The following GABRB1 variants were observed in gnomAD, a reference collection of about 807,000 sequenced individuals.
GABRB1 encodes the protein gamma-aminobutyric acid type A receptor subunit beta1, also known as gamma-aminobutyric acid receptor subunit beta-1.
A neutral mutation model predicts 51.6 loss-of-function variants in GABRB1; 17 were observed. The ratio of observed to expected loss-of-function variants is 0.33; its 90% CI spans 0.23 to 0.49. GABRB1 has a LOEUF of 0.49. Ranked by LOEUF, GABRB1 falls within the 20% of genes least tolerant of loss-of-function variation. GABRB1 has a pLI of 0.99. For missense variants in GABRB1, 410 were observed against 600.6 expected (o/e 0.68, Z 3.32); for synonymous variants, 247 against 218.9 (o/e 1.13, Z -1.14).
chr4:47,307,762 T>C (rs1724522681), intron 4 of GABRB1, among the ~76,000 whole-genome samples: 1 of 151,986 alleles, frequency 6.6e-6, no homozygotes, highest in African/African-American at 2.4e-5. Context: ...AGTTGATATA[T>C]TGATATATCA....
chr4:47,352,480 C>G (rs1726388714), intron 5 of GABRB1, among the ~76,000 whole-genome samples: 1 of 152,132 alleles, frequency 6.6e-6, no homozygotes, highest in Non-Finnish European at 1.5e-5. Flanking sequence ...GAATTTTAGA[C>G]CAATATCCTT....
intron 4 of GABRB1, among the ~76,000 whole-genome samples, chr4:47,187,606 C>T (rs1375197525): frequency 6.6e-6 from 1 of 151,816 alleles, no homozygotes; most frequent in Admixed American, 6.6e-5. Flanking sequence ...CGACTCCCTC[C>T]GAGTTTTGAA....
In GABRB1 at chr4:47,264,968, T is replaced by C. The variant is rs1722592909; in HGVS notation, c.462-55159T>C. On this transcript the variant is annotated intron_variant, in intron 4 of 8. Transcript: ENST00000295454. ...ACAATAACGTAAAGAATGATGCTGA[T>C]AAATTTTGCTAATTCTAAAATGCCT... is the stretch of plus-strand genomic sequence containing the variant. Among the ~76,000 whole-genome samples, 2 of 152,248 alleles carry C rather than the reference T, an allele frequency of 1.3e-5. 1 individual carries two copies. The highest frequency in any genetic ancestry group is 4.1e-4 in the South Asian group (2 of 4,834).
chr4:47,114,388 G>T (rs975522709), intron 3 of GABRB1, among the ~76,000 whole-genome samples: 1 of 151,988 alleles, frequency 6.6e-6, no homozygotes, highest in African/African-American at 2.4e-5. Context: ...CTCTGGTCTT[G>T]GTGTCCCTAC....
chr4:47,145,607 C>G (rs1035103262), intron 3 of GABRB1, among the ~76,000 whole-genome samples: 1 of 151,972 alleles, frequency 6.6e-6, no homozygotes, highest in Non-Finnish European at 1.5e-5. Context: ...GAAAGGAACA[C>G]GACATAGCAT....
At chr4:47,380,710 T>C (rs780060026) in intron 5 of GABRB1, among the ~76,000 whole-genome samples, 2 of 152,218 alleles carry the variant, frequency 1.3e-5, no homozygotes, top group Non-Finnish European at 2.9e-5. Context: ...GTACATCTCC[T>C]TGATAGAATT....
In GABRB1 at chr4:47,272,519, A is replaced by G. The variant is rs567666126; in HGVS notation, c.462-47608A>G. Among the ~76,000 whole-genome samples, 4 of 152,248 alleles carry G rather than the reference A, an allele frequency of 2.6e-5. No homozygotes were observed. The South Asian group carries it at 6.2e-4, about 24-fold the overall frequency. On this transcript the variant is annotated intron_variant, in intron 4 of 8. Transcript: ENST00000295454. ...ATTATTTGTTATACTTTATGGTTCT[A>G]TATTAACTAAATAAATTTTAAAAAT...
rs535410736 is a variant in GABRB1, at chr4:46,996,437, C to T, written c.-20+2511C>T. Among the ~76,000 whole-genome samples, 675 of 152,188 alleles carry T rather than the reference C, an allele frequency of 4.4e-3. 5 individuals are homozygous for T. Among genetic ancestry groups the T allele is most frequent in the African/African-American group, 0.015 (629 of 41,526 alleles). On this transcript the variant is annotated intron_variant, in intron 1 of 3. Transcript: ENST00000513567. ...ATAATACAGATAACCCAACTGCTAA[C>T]GTCTTAGGATGGACACTTTAAAGCC...
In GABRB1 at chr4:47,137,765, A is replaced by C. The variant is rs564660661; in HGVS notation, c.241-23484A>C. Among the ~76,000 whole-genome samples the C allele has an allele frequency of 9.2e-5, 14 of 152,258 alleles. No individual in the cohort carries two copies. In the East Asian group the frequency reaches 2.7e-3, roughly 29 times the overall value. On this transcript the variant is annotated intron_variant, in intron 3 of 8. Transcript: ENST00000295454. ...GGTTATGTGAACTATTTTCTTGTAA[A>C]TTCTACTAAAATTTGGACCACATAG...
chr4:47,423,321 C>G (rs536652719), intron 8 of GABRB1, among the ~76,000 whole-genome samples: 2 of 152,300 alleles, frequency 1.3e-5, no homozygotes, highest in African/African-American at 4.8e-5. Flanking sequence ...GTGTAGTTGT[C>G]AACTGGAGCT....
At chr4:46,999,242 G>A (rs1724105650) in intron 1 of GABRB1, among the ~76,000 whole-genome samples, 1 of 152,104 alleles carries the variant, frequency 6.6e-6, no homozygotes, top group East Asian at 1.9e-4. Flanking sequence ...TAAATTTGTT[G>A]CCAAGTGCCT....
At chr4:47,052,297 C>T (rs566450493) in intron 3 of GABRB1, among the ~76,000 whole-genome samples, 2 of 152,254 alleles carry the variant, frequency 1.3e-5, no homozygotes, top group East Asian at 3.9e-4. Flanking sequence ...TGAGTTGAGG[C>T]TACTGAGGAA....
chr4:47,029,739 T>C (rs1472074390), upstream of GABRB1, among the ~76,000 whole-genome samples: 3 of 152,076 alleles, frequency 2.0e-5, no homozygotes, highest in African/African-American at 7.2e-5. Flanking sequence ...GATGTAAAGA[T>C]CTACTTTTTT....
At chr4:47,235,007 C>A (rs547314203) in intron 4 of GABRB1, among the ~76,000 whole-genome samples, 1 of 152,122 alleles carries the variant, frequency 6.6e-6, no homozygotes, top group Non-Finnish European at 1.5e-5. Flanking sequence ...ATCTTGTATC[C>A]TTTGTATTCA....
intron 3 of GABRB1, among the ~76,000 whole-genome samples, chr4:47,104,037 G>T (rs1714839453): frequency 6.6e-6 from 1 of 151,766 alleles, no homozygotes; most frequent in Admixed American, 6.6e-5. Context: ...TCTGGTATCA[G>T]ATTCTGCATG....
intron 1 of GABRB1, among the ~76,000 whole-genome samples, chr4:47,025,209 G>A (rs886739260): frequency 2.6e-5 from 4 of 151,276 alleles, no homozygotes; most frequent in South Asian, 2.1e-4. Context: ...ATAAACATGC[G>A]TGTGCAAGTA....
At position 47,386,402 on chromosome 4, in the gene GABRB1, T is replaced by C. The variant is rs116228918; in HGVS notation, c.545-16916T>C. ...CCTTTGACTATGAAGACAAATAAAA[T>C]GTAGAGGCTACAAGCTGTTTGTTTT... is the stretch of plus-strand genomic sequence containing the variant. On this transcript the variant is annotated intron_variant, in intron 5 of 8. Transcript: ENST00000295454. Among the ~76,000 whole-genome samples, 711 of 152,304 alleles carry C rather than the reference T, an allele frequency of 4.7e-3. 5 individuals carry two copies. The highest frequency in any genetic ancestry group is 0.014 in the Middle Eastern group (4 of 294).
intron 4 of GABRB1, among the ~76,000 whole-genome samples, chr4:47,162,674 T>C (rs1718013832): frequency 6.6e-6 from 1 of 152,036 alleles, no homozygotes; most frequent in African/African-American, 2.4e-5. Flanking sequence ...AATAAGGTAA[T>C]GGCAGAACTG....
intron 3 of GABRB1, among the ~76,000 whole-genome samples, chr4:47,131,416 C>G (rs1435206359): frequency 3.9e-5 from 6 of 152,162 alleles, no homozygotes; most frequent in African/African-American, 1.4e-4. Flanking sequence ...CCTCGGCCTC[C>G]CAAAGTGCTG....
Sources: gnomAD v4.1 joint callset for allele counts (sites outside exome capture counted in the v4.1 genomes callset) on GRCh38, gnomAD v4.1.1 for gene constraint, MANE v1.5 for transcripts, NCBI Gene and HGNC (gene_info 2026-07-23, HGNC 2026-07-21) for gene names.